MTA3: variants seen among roughly 807,000 people sequenced by gnomAD.
MTA3 encodes metastasis associated 1 family member 3.
A neutral mutation model predicts 83.5 loss-of-function variants in MTA3; 34 were observed. The observed-to-expected ratio is 0.41, with a 90% CI of 0.31 to 0.54. The LOEUF is 0.54. Ranked by LOEUF, MTA3 falls within the 20% of genes least tolerant of loss-of-function variation. MTA3 has a pLI of 0.33. For missense variants in MTA3, 761 were observed against 726.4 expected (o/e 1.05, Z -0.55); for synonymous variants, 303 against 252.7 (o/e 1.20, Z -1.89).
chr2:42,716,128 A>G (rs1667011243), intron 14 of MTA3, among the ~76,000 whole-genome samples: 1 of 152,174 alleles, frequency 6.6e-6, no homozygotes, highest in African/African-American at 2.4e-5. Flanking sequence ...TTATTCAACA[A>G]TAGGTGAAAA....
chr2:42,595,140 C>A (rs545676748), intron 3 of MTA3, among the ~76,000 whole-genome samples: 2 of 112,238 alleles, frequency 1.8e-5, no homozygotes, highest in Non-Finnish European at 3.4e-5. Context: ...GACAGAGTCC[C>A]GCTCTGTCAC....
intron 16 of MTA3, among the ~76,000 whole-genome samples, chr2:42,734,784 G>T (rs766609553): frequency 3.9e-5 from 6 of 152,056 alleles, no homozygotes; most frequent in Non-Finnish European, 8.8e-5. Flanking sequence ...ATTTTAAACT[G>T]ATGCCAAGTT....
At chr2:42,540,267 A>G (rs766163115) in intron 2 of MTA3, among the ~76,000 whole-genome samples, 7 of 144,534 alleles carry the variant, frequency 4.8e-5, no homozygotes, top group Admixed American at 4.4e-4. Context: ...TCAAACTCTT[A>G]AGCTCAAGTG....
chr2:42,624,648 A>G (rs1685904602), intron 4 of MTA3, among the ~76,000 whole-genome samples: 2 of 152,070 alleles, frequency 1.3e-5, no homozygotes, highest in African/African-American at 2.4e-5. Flanking sequence ...TTTAATGTGT[A>G]TTAACTTATA....
chr2:42,663,937 AATT>A (rs2104385497), intron 8 of MTA3, among the ~76,000 whole-genome samples: 1 of 152,220 alleles, frequency 6.6e-6, no homozygotes, highest in African/African-American at 2.4e-5. Flanking sequence ...TTATTACCGT[AATT>A]ATTTTCTAAA....
In MTA3 at chr2:42,754,918, A is replaced by C; in HGVS notation, c.*1519A>C. On this transcript the variant is annotated 3_prime_UTR_variant, in exon 17 of 17. Transcript: ENST00000405094. ...TGCAGACATCTCAGCTTCTTTTCTG[A>C]GGAGGAGTTGGTTCTCATCTTAGGC... 1.0e-6 allele frequency: 1 copy of C among 985,476 alleles called. No individual in the cohort carries two copies. The highest frequency in any genetic ancestry group is 4.7e-5 in the South Asian group (1 of 21,280). The allele number at this position is 985,476 out of a possible 1,614,324, so 61.0% of individuals were successfully genotyped here. A position where few individuals can be genotyped will look rare whatever the true frequency, so the allele number is the denominator to read the frequency against.
intron 3 of MTA3, among the ~76,000 whole-genome samples, chr2:42,592,230 C>G (rs1300076662): frequency 1.3e-5 from 2 of 152,080 alleles, no homozygotes; most frequent in East Asian, 1.9e-4. Flanking sequence ...CCTCTGCACT[C>G]TAGCCTGGGA....
intron 3 of MTA3, among the ~76,000 whole-genome samples, chr2:42,597,375 C>CTTTTTTTTTTTT (rs35943826): frequency 9.2e-6 from 1 of 108,456 alleles, no homozygotes; most frequent in African/African-American, 3.7e-5. Context: ...GACAAGTTAT[C>CTTTTTTTTTTTT]TTTTTTTTTT....
intron 14 of MTA3, among the ~76,000 whole-genome samples, chr2:42,717,161 G>C (rs1364982193): frequency 7.4e-6 from 1 of 135,766 alleles, no homozygotes; most frequent in Non-Finnish European, 1.5e-5. Context: ...TTGGTGAAAG[G>C]GCTAGAACTC....
intron 4 of MTA3, among the ~76,000 whole-genome samples, chr2:42,623,668 C>G (rs1286021426): frequency 1.3e-5 from 2 of 151,684 alleles, no homozygotes; most frequent in African/African-American, 2.4e-5. Flanking sequence ...TTTTACCATG[C>G]CCCTTGAGTT....
intron 3 of MTA3, among the ~76,000 whole-genome samples, chr2:42,601,479 T>G (rs558865750): frequency 6.6e-6 from 1 of 152,162 alleles, no homozygotes; most frequent in Non-Finnish European, 1.5e-5. Flanking sequence ...CTTGTCTGTT[T>G]TGTTGTTGTT....
At chr2:42,622,218 C>T (rs1685637606) in intron 4 of MTA3, among the ~76,000 whole-genome samples, 1 of 152,174 alleles carries the variant, frequency 6.6e-6, no homozygotes, top group African/African-American at 2.4e-5. Context: ...GCCCGGCCAA[C>T]ACAGCGAAAC....
intron 3 of MTA3, among the ~76,000 whole-genome samples, chr2:42,593,888 A>G (rs1015552596): frequency 9.2e-5 from 14 of 151,868 alleles, no homozygotes; most frequent in Middle Eastern, 3.5e-3. Flanking sequence ...TATTCTTCCA[A>G]TTTACACCTA....
intron 16 of MTA3, chr2:42,723,249 C>A (rs1667557177): frequency 1.8e-6 from 1 of 562,724 alleles, no homozygotes; most frequent in Admixed American, 3.4e-5. Context: ...GCTCCCATCT[C>A]CTGTTAGGAG....
chr2:42,730,453 T>C (rs4953605), intron 16 of MTA3, among the ~76,000 whole-genome samples: 83,705 of 152,112 alleles, frequency 0.55, 23,712 homozygotes, highest in East Asian at 0.72. Flanking sequence ...CAAATGCTTT[T>C]CAGCCTCAAT....
chr2:42,694,282 C>T (rs1330999559), intron 9 of MTA3, among the ~76,000 whole-genome samples: 1 of 151,854 alleles, frequency 6.6e-6, no homozygotes, highest in Admixed American at 6.6e-5. Flanking sequence ...GGTCACATGC[C>T]ACCCGAAGTC....
At chr2:42,540,170 A>ATTTTT (rs70963328) in intron 2 of MTA3, among the ~76,000 whole-genome samples, 6 of 125,408 alleles carry the variant, frequency 4.8e-5, no homozygotes, top group Admixed American at 8.5e-5. Context: ...AACTTTGTAG[A>ATTTTT]TTTTTTTTTT....
At chr2:42,500,909 C>T (rs1052934381) in intron 2 of MTA3, among the ~76,000 whole-genome samples, 4 of 150,102 alleles carry the variant, frequency 2.7e-5, no homozygotes, top group Non-Finnish European at 4.4e-5. Context: ...CTCCCGGGTT[C>T]ACGCCATTCT....
chr2:42,686,068 G>A (rs1326057246), intron 9 of MTA3, among the ~76,000 whole-genome samples: 1 of 152,076 alleles, frequency 6.6e-6, no homozygotes, highest in African/African-American at 2.4e-5. Context: ...ACCTTTACCT[G>A]AGCACTGAGC....
Sources: allele counts gnomAD v4.1 joint callset (sites outside exome capture counted in the v4.1 genomes callset), GRCh38; gene constraint gnomAD v4.1.1; transcripts MANE v1.5; gene names NCBI Gene and HGNC (gene_info 2026-07-23, HGNC 2026-07-21).